The following INTS15 variants were observed in gnomAD, a reference collection of about 807,000 sequenced individuals.
The protein encoded by INTS15 is integrator complex subunit 15.
chr7:6,601,223 A>G, the INTS15 span, among the ~76,000 whole-genome samples: 1 of 152,152 alleles, frequency 6.6e-6, no homozygotes, highest in Non-Finnish European at 1.5e-5. Context: ...TTCCTGCCTC[A>G]GCCTCCCAAA....
chr7:6,592,145 T>C, the INTS15 span, among the ~76,000 whole-genome samples: 4 of 151,836 alleles, frequency 2.6e-5, no homozygotes, highest in African/African-American at 9.7e-5. Context: ...CACTCCAGCC[T>C]GGGTGACAGA....
chr7:6,596,015 G>A, the INTS15 span, among the ~76,000 whole-genome samples: 20 of 150,600 alleles, frequency 1.3e-4, no homozygotes, highest in Non-Finnish European at 2.9e-4. Context: ...TCCAGTATTG[G>A]TCTCCCACCA....
chr7:6,607,393 G>A, the INTS15 span: 1 of 460,372 alleles, frequency 2.2e-6, no homozygotes, highest in Non-Finnish European at 3.8e-6. The surrounding 1 kb of genome is among the most constrained non-coding windows in gnomAD (Gnocchi z 6.0). Context: ...GCTGGGCGGG[G>A]TGGGTGCCCA....
At chr7:6,603,193 T>C in the INTS15 span, among the ~76,000 whole-genome samples, 362 of 151,974 alleles carry the variant, frequency 2.4e-3, no homozygotes, top group Non-Finnish European at 3.9e-3. Flanking sequence ...GAGGTTTCAG[T>C]GAGCCAAGAG....
the INTS15 span, among the ~76,000 whole-genome samples, chr7:6,605,809 C>T: frequency 6.6e-6 from 1 of 152,270 alleles, no homozygotes; most frequent in Admixed American, 6.5e-5. Flanking sequence ...AGCGATTCTC[C>T]TGCCTCAGCC....
At chr7:6,594,368 G>A in the INTS15 span, 1 of 1,535,292 alleles carries the variant, frequency 6.5e-7, no homozygotes, top group Non-Finnish European at 9.0e-7. Context: ...GTCACTGTGT[G>A]TGCATAGTTG....
chr7:6,608,624 A>T, the INTS15 span: 1 of 672,560 alleles, frequency 1.5e-6, no homozygotes, highest in Middle Eastern at 7.6e-4. Context: ...CTGCTCAGGG[A>T]GGCTGTCAGG....
At chr7:6,598,255 C>T in the INTS15 span, among the ~76,000 whole-genome samples, 2 of 152,018 alleles carry the variant, frequency 1.3e-5, no homozygotes, top group Non-Finnish European at 2.9e-5. Flanking sequence ...GGATCACCTG[C>T]AGTCAGGAGT....
the INTS15 span, chr7:6,600,184 G>A: frequency 6.2e-7 from 1 of 1,614,238 alleles, no homozygotes; most frequent in African/African-American, 1.3e-5. Flanking sequence ...ATCTGTATGG[G>A]CGCCTGGGGC....
chr7:6,600,147 C>CGCTGCA, the INTS15 span: 1 of 1,614,216 alleles, frequency 6.2e-7, no homozygotes, highest in Non-Finnish European at 8.5e-7. Context: ...GTGCTCATGA[C>CGCTGCA]GCTGCAGCTG....
At chr7:6,592,544 G>A in the INTS15 span, among the ~76,000 whole-genome samples, 7 of 151,552 alleles carry the variant, frequency 4.6e-5, 1 homozygote, top group African/African-American at 1.7e-4. Flanking sequence ...TCCAGCCTGG[G>A]TTACAGAGTG....
chr7:6,604,225 C>T, the INTS15 span, among the ~76,000 whole-genome samples: 9 of 152,108 alleles, frequency 5.9e-5, no homozygotes, highest in Admixed American at 1.3e-4. Flanking sequence ...TACAGGTGTG[C>T]GCCACCACAG....
chr7:6,594,258 G>C, the INTS15 span, among the ~76,000 whole-genome samples: 3 of 151,866 alleles, frequency 2.0e-5, no homozygotes, highest in Non-Finnish European at 4.4e-5. Flanking sequence ...CACCCGCCTC[G>C]GCCTCTCAAA....
chr7:6,600,398 C>T, the INTS15 span: 20 of 1,558,642 alleles, frequency 1.3e-5, no homozygotes, highest in Admixed American at 2.2e-4. Context: ...GCGGGGACAC[C>T]GCCGCCCTGC....
the INTS15 span, among the ~76,000 whole-genome samples, chr7:6,594,950 A>AC: frequency 3.3e-5 from 5 of 151,792 alleles, no homozygotes; most frequent in African/African-American, 1.2e-4. Context: ...CCGATCTCAA[A>AC]CCCCTGATCT....
At chr7:6,591,788 G>A in the INTS15 span, 2 of 1,614,154 alleles carry the variant, frequency 1.2e-6, no homozygotes, top group Admixed American at 1.7e-5. Context: ...AGCCGGATGA[G>A]CTTGTTGGGA....
At chr7:6,602,385 G>A in the INTS15 span, 2 of 502,268 alleles carry the variant, frequency 4.0e-6, no homozygotes, top group Non-Finnish European at 7.1e-6. Context: ...CCCTAGTGAA[G>A]GTGCACCTGT....
chr7:6,605,487 C>T, the INTS15 span, among the ~76,000 whole-genome samples: 1 of 152,066 alleles, frequency 6.6e-6, no homozygotes, highest in African/African-American at 2.4e-5. Flanking sequence ...GTGTATCATC[C>T]GAGTCTTATA....
the INTS15 span, among the ~76,000 whole-genome samples, chr7:6,597,166 G>A: frequency 1.3e-5 from 2 of 152,212 alleles, no homozygotes; most frequent in African/African-American, 4.8e-5. Context: ...CGCTGCTGCA[G>A]TGGGATTTCC....
Sources: gnomAD v4.1 joint callset for allele counts (sites outside exome capture counted in the v4.1 genomes callset) on GRCh38, gnomAD v4.1.1 for gene constraint, Gnocchi (gnomAD v3.1) non-coding constraint, MANE v1.5 for transcripts, NCBI Gene and HGNC (gene_info 2026-07-23, HGNC 2026-07-21) for gene names.